Variants in EPC2 observed in about 807,000 individuals in gnomAD.
EPC2 encodes the protein enhancer of polycomb homolog 2.
In EPC2, 14 loss-of-function variants were observed where a neutral mutation model predicts 92.1. That is an observed-to-expected ratio of 0.15 (90% CI 0.10 to 0.24). The LOEUF is 0.24. Ranked by LOEUF, EPC2 falls within the 10% of genes least tolerant of loss-of-function variation. The pLI is 1.00. For synonymous variants in EPC2, 340 were observed against 334.7 expected (o/e 1.02, Z -0.17); for missense variants, 755 against 971.5 (o/e 0.78, Z 2.96).
At position 148,776,006 on chromosome 2, in the gene EPC2, C is replaced by A. The variant is rs376796684; in HGVS notation, c.1720+4619C>A. Among the ~76,000 whole-genome samples, 16 of 152,082 alleles carry A rather than the reference C, an allele frequency of 1.1e-4. No individual in the cohort carries two copies. In the East Asian group the frequency reaches 1.2e-3, roughly 11 times the overall value. On this transcript the variant is annotated intron_variant, in intron 10 of 13. Transcript: ENST00000258484. ...CTGTGTTAGCCAGGATGGTCTCGATCTCCTGACCTCGTGATCCGCCCGCCT... is the reference window on the plus strand; with the variant it reads ...CTGTGTTAGCCAGGATGGTCTCGATATCCTGACCTCGTGATCCGCCCGCCT...
intron 7 of EPC2, among the ~76,000 whole-genome samples, chr2:148,765,516 A>G (rs912121295): frequency 2.0e-5 from 3 of 152,196 alleles, no homozygotes; most frequent in Admixed American, 1.3e-4. Context: ...ATATTCATCA[A>G]CAATACTTTC....
intron 1 of EPC2, among the ~76,000 whole-genome samples, chr2:148,683,000 A>G (rs375642908): frequency 7.0e-4 from 106 of 151,982 alleles, no homozygotes; most frequent in African/African-American, 2.5e-3. Flanking sequence ...GTTATATCTG[A>G]TTCTATTTCT....
intron 2 of EPC2, among the ~76,000 whole-genome samples, chr2:148,707,613 G>A (rs148592662): frequency 0.025 from 3,839 of 152,212 alleles, 56 homozygotes; most frequent in East Asian, 0.032. Context: ...GCATTCCTCA[G>A]CAAATGTAAA....
chr2:148,764,607 ATAG>A lies in EPC2; in HGVS notation c.949-346_949-344del, dbSNP rs141887976. 7.2e-3 allele frequency among the ~76,000 whole-genome samples: 1,090 copies of A among 152,342 alleles called. 6 individuals carry two copies. The highest frequency in any genetic ancestry group is 0.025 in the African/African-American group (1,024 of 41,576). ...CAGTTGAAGATTTTAAAAAATAAAAATAGTGGTTAATTTTTATCAATACAGCAG... is the reference window on the plus strand; with the variant it reads ...CAGTTGAAGATTTTAAAAAATAAAAATGGTTAATTTTTATCAATACAGCAG... On this transcript the variant is annotated intron_variant, in intron 6 of 13. Coordinates refer to ENST00000258484, the MANE Select transcript of EPC2 (RefSeq NM_015630.4).
At chr2:148,776,323 T>C (rs1461834540) in intron 10 of EPC2, among the ~76,000 whole-genome samples, 1 of 152,146 alleles carries the variant, frequency 6.6e-6, no homozygotes, top group Non-Finnish European at 1.5e-5. Flanking sequence ...TAAAAGGAAA[T>C]AATGAAATTT....
rs1267564225 is a variant in EPC2 at position 148,660,912 on chromosome 2, CATTA to C, written c.153+15746_153+15749del. ...TTTGTGTGCAAGAAACTGTTTAAAT[CATTA>C]ATTGTTTTATCTTTTCAAAGATAAG... On this transcript the variant is annotated intron_variant, in intron 1 of 13. Transcript: ENST00000258484. 2.6e-5 allele frequency among the ~76,000 whole-genome samples: 4 copies of C among 151,568 alleles called. 1 individual carries two copies. Among genetic ancestry groups the C allele is most frequent in the Admixed American group, 6.6e-5 (1 of 15,222 alleles).
chr2:148,782,875 C>T (rs1359267282), intron 11 of EPC2, among the ~76,000 whole-genome samples: 1 of 152,200 alleles, frequency 6.6e-6, no homozygotes, highest in African/African-American at 2.4e-5. Context: ...TCTAAAACCA[C>T]TTCTAAAGTA....
chr2:148,705,557 C>T (rs1681981535), intron 2 of EPC2, among the ~76,000 whole-genome samples: 1 of 152,206 alleles, frequency 6.6e-6, no homozygotes. Context: ...TGCAGCCTAA[C>T]TTGGAGACAC....
chr2:148,752,719 T>C (rs1683103788), intron 3 of EPC2, among the ~76,000 whole-genome samples: 2 of 151,624 alleles, frequency 1.3e-5, no homozygotes, highest in Non-Finnish European at 2.9e-5. Context: ...AACCGATGAA[T>C]TAATTCTAGA....
At chr2:148,655,364 A>G (rs992559172) in intron 1 of EPC2, among the ~76,000 whole-genome samples, 1 of 152,228 alleles carries the variant, frequency 6.6e-6, no homozygotes. Context: ...GATGCCATAA[A>G]TGCATAAAAT....
intron 10 of EPC2, among the ~76,000 whole-genome samples, chr2:148,777,442 T>C (rs1441759705): frequency 2.0e-5 from 3 of 152,188 alleles, no homozygotes; most frequent in Admixed American, 1.3e-4. Context: ...AAAAATCCTG[T>C]GTTCCTACTC....
rs1401707896 is a variant in EPC2 at position 148,661,260 on chromosome 2, A to AT, written c.153+16096dup. Among the ~76,000 whole-genome samples, 7 of 152,154 alleles carry AT rather than the reference A, an allele frequency of 4.6e-5. No homozygotes were observed. The East Asian group carries it at 1.4e-3, about 29-fold the overall frequency. ...TCCTGTTGGAGGGTTGGTTTTGTGC[A>AT]TTTTTTGTTGAGCTTATGCCTAGGA... On this transcript the variant is annotated intron_variant, in intron 1 of 13. Coordinates refer to ENST00000258484, the MANE Select transcript of EPC2 (RefSeq NM_015630.4).
intron 2 of EPC2, among the ~76,000 whole-genome samples, chr2:148,696,470 T>C (rs915762845): frequency 6.6e-6 from 1 of 152,140 alleles, no homozygotes; most frequent in Non-Finnish European, 1.5e-5. Flanking sequence ...TAAAATACAA[T>C]GCAATAAATT....
intron 2 of EPC2, among the ~76,000 whole-genome samples, chr2:148,711,410 T>C (rs925061485): frequency 6.6e-6 from 1 of 152,186 alleles, no homozygotes; most frequent in South Asian, 2.1e-4. Context: ...ATTTTTGTTA[T>C]TCATTTCTGT....
At chr2:148,647,982 G>T (rs892326888) in intron 1 of EPC2, among the ~76,000 whole-genome samples, 1 of 152,184 alleles carries the variant, frequency 6.6e-6, no homozygotes, top group Middle Eastern at 3.2e-3. Flanking sequence ...TTTCAAACTA[G>T]AGCATGAGTG....
At chr2:148,685,945 G>A (rs988761535) in intron 1 of EPC2, among the ~76,000 whole-genome samples, 1 of 152,102 alleles carries the variant, frequency 6.6e-6, no homozygotes, top group African/African-American at 2.4e-5. Context: ...TACTGTTGGA[G>A]GGTCTTGCCT....
At chr2:148,712,038 T>TG (rs1481232712) in intron 2 of EPC2, among the ~76,000 whole-genome samples, 1 of 152,232 alleles carries the variant, frequency 6.6e-6, no homozygotes, top group Non-Finnish European at 1.5e-5. Context: ...CTCTTTCAGT[T>TG]GGTGTATTTA....
chr2:148,785,625 A>G (rs1413299979), intron 13 of EPC2, among the ~76,000 whole-genome samples: 1 of 152,030 alleles, frequency 6.6e-6, no homozygotes, highest in Admixed American at 6.6e-5. Flanking sequence ...CTCTTGTATT[A>G]ATGTTTTATA....
At chr2:148,664,599 T>G (rs2105357004) in intron 1 of EPC2, among the ~76,000 whole-genome samples, 1 of 152,318 alleles carries the variant, frequency 6.6e-6, no homozygotes, top group Admixed American at 6.5e-5. Flanking sequence ...TACACCTGTT[T>G]TCATAGTCAA....
Sources: gnomAD v4.1 joint callset for allele counts (sites outside exome capture counted in the v4.1 genomes callset) on GRCh38, gnomAD v4.1.1 for gene constraint, MANE v1.5 for transcripts, NCBI Gene and HGNC (gene_info 2026-07-23, HGNC 2026-07-21) for gene names.